HEPH: variants seen among roughly 807,000 people sequenced by gnomAD.
HEPH encodes the protein hephaestin.
HEPH carries 69 observed loss-of-function variants against 80.8 expected under a neutral mutation model. That is an observed-to-expected ratio of 0.85 (90% CI 0.70 to 1.04). The LOEUF is 1.04. HEPH is among the 50% of genes least tolerant of loss of function. The pLI is 0.00. For missense variants in HEPH, 1,115 were observed against 891.3 expected (o/e 1.25, Z -3.20); for synonymous variants, 431 against 322.8 (o/e 1.34, Z -3.60).
At position 66,255,075 on chromosome X, in the gene HEPH, T is replaced by A. The variant is rs753796350; in HGVS notation, c.2604T>A (p.Ser868=). 1.7e-6 allele frequency: 2 copies of A among 1,208,468 alleles called. No individual in the cohort carries two copies. The highest frequency in any genetic ancestry group is 3.5e-5 in the South Asian group (2 of 56,548). Reference sequence around the variant, plus strand: ...ATCAGTGGAACATCCCAGAGAGGTCTGGCCCTGGGCCCAATGACTCTGCTT... The same window carrying A: ...ATCAGTGGAACATCCCAGAGAGGTCAGGCCCTGGGCCCAATGACTCTGCTT... ...VTYQWNIPER[S]GPGPNDSACV... is the part of the protein sequence containing the mutation. Residue 868 remains serine (S), a synonymous_variant, in exon 16 of 21, where the codon TCT becomes TCA. Coordinates refer to ENST00000343002, the MANE Select transcript of HEPH (RefSeq NM_001367233.3).
At chrX:66,172,642 T>A (rs917213047) in intron 3 of HEPH, 43 bp downstream of exon 3, 1 of 1,099,542 alleles carries the variant, frequency 9.1e-7, no homozygotes, top group African/African-American at 1.8e-5. Context: ...CCAACAAATA[T>A]CACTTTTCCT....
At chrX:66,193,703 C>T in intron 8 of HEPH, 65 bp downstream of exon 8, 1 of 910,074 alleles carries the variant, frequency 1.1e-6, no homozygotes, top group Non-Finnish European at 1.5e-6. Context: ...GACTTTGAAA[C>T]TGAGGCCTGG....
intron 15 of HEPH, among the ~76,000 whole-genome samples, chrX:66,209,313 C>T (rs1034430133): frequency 8.9e-6 from 1 of 112,282 alleles, no homozygotes; most frequent in African/African-American, 3.2e-5. Flanking sequence ...CAAACCTTAG[C>T]ATGTATCAGG....
At chrX:66,187,562 T>A (rs1337938110) in intron 4 of HEPH, among the ~76,000 whole-genome samples, 2 of 112,071 alleles carry the variant, frequency 1.8e-5, no homozygotes, top group East Asian at 5.6e-4. Flanking sequence ...TCTGGGCTGA[T>A]ACTGGAGGTT....
intron 17 of HEPH, among the ~76,000 whole-genome samples, chrX:66,257,602 G>T (rs1238858742): frequency 8.9e-6 from 1 of 112,191 alleles, no homozygotes; most frequent in Non-Finnish European, 1.9e-5. Flanking sequence ...CATTGACATA[G>T]ATGGGCAGCA....
At chrX:66,200,175 C>G (rs190372316) in intron 11 of HEPH, among the ~76,000 whole-genome samples, 1 of 105,944 alleles carries the variant, frequency 9.4e-6, no homozygotes, top group Non-Finnish European at 1.9e-5. Flanking sequence ...TGTAAAAGGA[C>G]CAGAAAGTAT....
chrX:66,205,023 G>A (rs747075552), intron 13 of HEPH, among the ~76,000 whole-genome samples: 1 of 111,684 alleles, frequency 9.0e-6, no homozygotes, highest in East Asian at 2.8e-4. Flanking sequence ...CTGTCATCCA[G>A]GTAGTGAGCA....
rs141860378 is a variant in HEPH, at chrX:66,172,546, C to G, written c.359C>G (p.Thr120Ser). 97 of 1,206,579 alleles carry G rather than the reference C, an allele frequency of 8.0e-5. No homozygotes were observed. The highest frequency in any genetic ancestry group is 1.0e-4 in the Non-Finnish European group (91 of 893,048). The change falls in exon 3 of 21, where the codon ACT becomes AGT. Residue 120 changes from threonine (T) to serine (S), a missense_variant. Coordinates refer to ENST00000343002, the MANE Select transcript of HEPH (RefSeq NM_001367233.3). ...VILIHLKNFA[T>S]RPYTIHPHGV... ...CTTATTCACCTGAAGAATTTTGCCACTCGTCCCTATACCATCCACCCTCAT... is the reference window on the plus strand; with the variant it reads ...CTTATTCACCTGAAGAATTTTGCCAGTCGTCCCTATACCATCCACCCTCAT...
chrX:66,263,735 G>C, intron 20 of HEPH, 47 bp downstream of exon 20: 1 of 1,133,195 alleles, frequency 8.8e-7, no homozygotes, highest in Non-Finnish European at 1.2e-6. Flanking sequence ...TAGTGTGTCT[G>C]TGTATGAGGT....
chrX:66,164,569 G>T (rs1222856589), intron 1 of HEPH, 99 bp downstream of exon 1: 2 of 605,521 alleles, frequency 3.3e-6, no homozygotes, highest in South Asian at 8.7e-5. Flanking sequence ...GCCACTAGGA[G>T]AAAAAGTCAG....
At chrX:66,268,591 G>T (rs1404130554), downstream of HEPH, 3 of 111,617 alleles carry the variant, frequency 2.7e-5, no homozygotes, top group Non-Finnish European at 5.7e-5. Context: ...GTCAATTAAT[G>T]GTTATAATTT....
At chrX:66,229,741 C>A (rs1384427664) in intron 15 of HEPH, among the ~76,000 whole-genome samples, 3 of 111,857 alleles carry the variant, frequency 2.7e-5, no homozygotes, top group South Asian at 3.7e-4. Context: ...TTGTTCCTTT[C>A]ATCCTACTCT....
intron 15 of HEPH, among the ~76,000 whole-genome samples, chrX:66,238,255 G>T (rs933394181): frequency 7.2e-5 from 8 of 111,255 alleles, no homozygotes; most frequent in East Asian, 5.6e-4. Context: ...GCTGGTAATG[G>T]TCTTTCCTTT....
At chrX:66,259,033 C>A in intron 18 of HEPH, 54 bp downstream of exon 18, 2 of 1,125,796 alleles carry the variant, frequency 1.8e-6, no homozygotes, top group Admixed American at 2.8e-5. Flanking sequence ...AGTGGTTTAA[C>A]AGCAATTGAG....
At chrX:66,262,481 G>A (rs907525922) in intron 19 of HEPH, among the ~76,000 whole-genome samples, 3 of 111,602 alleles carry the variant, frequency 2.7e-5, no homozygotes, top group African/African-American at 9.8e-5. Context: ...AAAAGTGGAT[G>A]AAAGTTTGAA....
intron 2 of HEPH, chrX:66,171,074 G>A (rs1485064418): frequency 3.2e-6 from 1 of 310,397 alleles, no homozygotes; most frequent in Non-Finnish European, 6.0e-6. Context: ...TAAGATGTAT[G>A]GGTGGGAGCT....
Position 66,197,856 on chromosome X carries a change from G to T in HEPH, c.1675G>T (p.Val559Leu). 1 of 1,207,172 alleles carries T rather than the reference G, an allele frequency of 8.3e-7. No homozygotes were observed. Among genetic ancestry groups the T allele is most frequent in the Non-Finnish European group, 1.1e-6 (1 of 893,132 alleles). Reference sequence around the variant, plus strand: ...TTCTGGCCTGGTGGGCCCGCTGCTGGTGTGCAGGGCTGGTGCCTTGGGTGC... The same window carrying T: ...TTCTGGCCTGGTGGGCCCGCTGCTGTTGTGCAGGGCTGGTGCCTTGGGTGC... ...TNSGLVGPLL[V>L]CRAGALGADG... The change falls in exon 10 of 21, where the codon GTG (valine) becomes TTG (leucine). Residue 559 changes from valine (V) to leucine (L), a missense_variant. Physicochemically the swap from Val to Leu is conservative, Grantham distance 32. Around this residue, in one of 3 missense-constraint regions of HEPH, gnomAD observed 716 missense variants for 523.5 expected, o/e 1.37. Transcript: ENST00000343002.
chrX:66,186,674 C>T (rs886642040), intron 4 of HEPH, among the ~76,000 whole-genome samples: 26 of 111,751 alleles, frequency 2.3e-4, no homozygotes, highest in East Asian at 8.6e-4. Context: ...GCGTCGCTCA[C>T]GCTGGGAGCT....
rs183373546 is a variant in HEPH, at chrX:66,252,362, G to A, written c.2564-2673G>A. 1.5e-4 allele frequency among the ~76,000 whole-genome samples: 17 copies of A among 111,693 alleles called. No homozygotes were observed. In the East Asian group the frequency reaches 4.8e-3, roughly 31 times the overall value. On this transcript the variant is annotated intron_variant, in intron 15 of 20. Coordinates refer to ENST00000343002, the MANE Select transcript of HEPH (RefSeq NM_001367233.3). ...AACTCGATGGAGAGGTTGGAGAGAA[G>A]TTCATGTAAACAGAACAACATGACA...
Sources: allele counts gnomAD v4.1 joint callset (sites outside exome capture counted in the v4.1 genomes callset), GRCh38; gene constraint gnomAD v4.1.1; regional missense constraint gnomAD v4.1.1; transcripts MANE v1.5; gene names NCBI Gene and HGNC (gene_info 2026-07-23, HGNC 2026-07-21).